The following P2RY4 variants were observed in gnomAD, a reference collection of about 807,000 sequenced individuals.
P2RY4 encodes the protein P2Y purinoceptor 4.
For missense variants in P2RY4, 291 were observed against 308.5 expected, an observed-to-expected ratio of 0.94 and a Z score of 0.42; for synonymous variants, 121 against 131.6, an observed-to-expected ratio of 0.92 and a Z score of 0.55.
At position 70,259,394 on chromosome X, in the gene P2RY4, C is replaced by T. The variant is rs1382043430; in HGVS notation, c.231G>A (p.Leu77=). 9.1e-6 allele frequency: 11 copies of T among 1,210,767 alleles called. No homozygotes were observed. Among genetic ancestry groups the T allele is most frequent in the Non-Finnish European group, 1.1e-5 (10 of 895,235 alleles). Residue 77 remains leucine (L), a synonymous_variant, in exon 1 of 1, where the codon CTG becomes CTA. Coordinates refer to ENST00000374519, the MANE Select transcript of P2RY4 (RefSeq NM_002565.4). ...WDATATYMFH[L]ALSDTLYVLS... is the part of the protein sequence containing the mutation. ...GCACATACAAGGTGTCTGACAATGC[C>T]AGGTGGAACATGTAGGTGGCCGTTG...
Position 70,259,913 on chromosome X carries a change from G to A in P2RY4, c.-289C>T, listed in dbSNP as rs945093931. The A allele has an allele frequency of 2.6e-5, 9 of 351,066 alleles. No homozygotes were observed. The Admixed American group carries it at 4.7e-4, about 18-fold the overall frequency. 28.9% of individuals were successfully genotyped at this position (351,066 alleles called of 1,213,427 possible). On this transcript the variant is annotated 5_prime_UTR_variant, in exon 1 of 1. Coordinates refer to ENST00000374519, the MANE Select transcript of P2RY4 (RefSeq NM_002565.4). ...AGCTCACTCTGTCCCTAAGAGCCTG[G>A]CTGGCTGAAGAGGGTGGAGGCCTCC...
In P2RY4 at chrX:70,259,804, T is replaced by C; in HGVS notation, c.-180A>G. On this transcript the variant is annotated 5_prime_UTR_variant, in exon 1 of 1. Coordinates refer to ENST00000374519, the MANE Select transcript of P2RY4 (RefSeq NM_002565.4). ...AGCCTGGCCCCTACCCAAGCTCCCT[T>C]GGTCCAGCTTGGGAAGTGGTGGGCA... 2.1e-6 allele frequency: 1 copy of C among 467,183 alleles called. No individual in the cohort carries two copies. Among genetic ancestry groups the C allele is most frequent in the South Asian group, 3.7e-5 (1 of 26,933 alleles). 38.5% of individuals were successfully genotyped at this position (467,183 alleles called of 1,213,427 possible).
At position 70,259,076 on chromosome X, in the gene P2RY4, G is replaced by C; in HGVS notation, c.549C>G (p.Val183=). Reference sequence around the variant, plus strand: ...CAGGCCGAGTGGTGTCATGGCACAGGACGGTGGTCCCTTTGTTGCTGGTTG... The same window carrying C: ...CAGGCCGAGTGGTGTCATGGCACAGCACGGTGGTCCCTTTGTTGCTGGTTG... ...FVTTSNKGTT[V]LCHDTTRPEE... is the part of the protein sequence containing the mutation. Residue 183 remains valine, a synonymous_variant, in exon 1 of 1, where the codon GTC becomes GTG. Coordinates refer to ENST00000374519, the MANE Select transcript of P2RY4 (RefSeq NM_002565.4). 1 of 1,211,927 alleles carries C rather than the reference G, an allele frequency of 8.3e-7. No individual in the cohort carries two copies. The highest frequency in any genetic ancestry group is 1.1e-6 in the Non-Finnish European group (1 of 895,456).
rs775969220 is a variant in P2RY4, at chrX:70,258,673, G to A, written c.952C>T (p.Arg318Cys). Residue 318 changes from arginine to cysteine, a missense_variant, in exon 1 of 1, where the codon CGT becomes TGT. Coordinates refer to ENST00000374519, the MANE Select transcript of P2RY4 (RefSeq NM_002565.4). ...GGCTTGCCACCACCACAGAGCTGAC[G>A]GAGCTGACGTCGATATTTGTCCCCA... ...LTGDKYRRQL[R>C]QLCGGGKPQP... 31 of 1,210,668 alleles carry A rather than the reference G, an allele frequency of 2.6e-5. No individual in the cohort carries two copies. In the South Asian group the frequency reaches 3.0e-4, roughly 12 times the overall value.
Position 70,258,980 on chromosome X carries a change from G to A in P2RY4, c.645C>T (p.Val215=). Residue 215 remains valine (V), a synonymous_variant, in exon 1 of 1, where the codon GTC becomes GTT. Coordinates refer to ENST00000374519, the MANE Select transcript of P2RY4 (RefSeq NM_002565.4). ...CCATGAGTCCATAGCAAACAAGAGT[G>A]ACCAGGCAGGGCACGCCAAAGAGCA... is the stretch of plus-strand genomic sequence containing the variant. The part of the protein sequence containing the change: ...MGLLFGVPCL[V]TLVCYGLMAR... The A allele has an allele frequency of 8.3e-7, 1 of 1,211,796 alleles. No homozygotes were observed. The highest frequency in any genetic ancestry group is 1.7e-5 in the African/African-American group (1 of 57,863).
chrX:70,259,086 C>T lies in P2RY4; in HGVS notation c.539G>A (p.Gly180Glu). ...NLFFVTTSNK[G>E]TTVLCHDTTR... ...GGTGTCATGGCACAGGACGGTGGTC[C>T]CTTTGTTGCTGGTTGTGACAAAGAA... Residue 180 changes from glycine (G) to glutamate (E), a missense_variant, in exon 1 of 1, where the codon GGG becomes GAG. Coordinates refer to ENST00000374519, the MANE Select transcript of P2RY4 (RefSeq NM_002565.4). The T allele has an allele frequency of 8.3e-7, 1 of 1,211,398 alleles. No homozygotes were observed. The highest frequency in any genetic ancestry group is 1.1e-6 in the Non-Finnish European group (1 of 895,265).
chrX:70,259,641 G>A lies in P2RY4; in HGVS notation c.-17C>T. 8.6e-7 allele frequency: 1 copy of A among 1,163,815 alleles called. No individual in the cohort carries two copies. Among genetic ancestry groups the A allele is most frequent in the Non-Finnish European group, 1.1e-6 (1 of 870,784 alleles). ...ACTGGCCATGGCCCCCCTGGAGATGGGAAGGGGAGAAGTGAGGGTGGCAGG... is the reference window on the plus strand; with the variant it reads ...ACTGGCCATGGCCCCCCTGGAGATGAGAAGGGGAGAAGTGAGGGTGGCAGG... On this transcript the variant is annotated 5_prime_UTR_variant, in exon 1 of 1. Coordinates refer to ENST00000374519, the MANE Select transcript of P2RY4 (RefSeq NM_002565.4).
Position 70,258,778 on chromosome X carries a change from T to C in P2RY4, c.847A>G (p.Ile283Val), listed in dbSNP as rs779570475. 5.8e-6 allele frequency: 7 copies of C among 1,210,730 alleles called. No homozygotes were observed. The highest frequency in any genetic ancestry group is 3.5e-5 in the African/African-American group (2 of 57,385). Residue 283 changes from isoleucine (I) to valine (V), a missense_variant, in exon 1 of 1, where the codon ATT (isoleucine) becomes GTT (valine). Ile to Val is a conservative substitution (Grantham distance 29). Transcript: ENST00000374519. ...LLEADCRVLN[I>V]VNVVYKVTRP... is the part of the protein sequence containing the mutation. ...GTCACTTTATAGACCACGTTGACAA[T>C]GTTCAGTACTCGGCAGTCAGCTTCC...
chrX:70,259,098 G>A lies in P2RY4; in HGVS notation c.527C>T (p.Thr176Ile). ...CAGGACGGTGGTCCCTTTGTTGCTG[G>A]TTGTGACAAAGAACAGGTTGGGCAC... Reference protein sequence around the residue: ...CLVPNLFFVTTSNKGTTVLCH... With the variant: ...CLVPNLFFVTISNKGTTVLCH... Residue 176 changes from threonine to isoleucine, a missense_variant, in exon 1 of 1, where the codon ACC (threonine) becomes ATC (isoleucine). Transcript: ENST00000374519. 4.1e-6 allele frequency: 5 copies of A among 1,211,563 alleles called. No homozygotes were observed. Among genetic ancestry groups the A allele is most frequent in the Non-Finnish European group, 5.6e-6 (5 of 895,333 alleles).
rs780221062 is a variant in P2RY4 at position 70,259,146 on chromosome X, C to A, written c.479G>T (p.Trp160Leu). The A allele has an allele frequency of 1.1e-5, 13 of 1,211,038 alleles. No homozygotes were observed. The highest frequency in any genetic ancestry group is 2.2e-5 in the Admixed American group (1 of 45,955). The change falls in exon 1 of 1, where the codon TGG becomes TTG. Residue 160 changes from tryptophan to leucine, a missense_variant. Trp to Leu is a moderately conservative substitution (Grantham distance 61, BLOSUM62 -2). Coordinates refer to ENST00000374519, the MANE Select transcript of P2RY4 (RefSeq NM_002565.4). ...RLAGLLCLAV[W>L]LVVAGCLVPN... The stretch of plus-strand genomic sequence containing the variant: ...CACGAGGCAGCCGGCTACGACCAAC[C>A]AAACTGCCAGGCAGAGAAGGCCTGC...
rs2085579814 is a variant in P2RY4 at position 70,258,645 on chromosome X, T to C, written c.980A>G (p.Gln327Arg). ...CAGGGAAGAGGCAGCCGTGCGGGGC[T>C]GGGGCTTGCCACCACCACAGAGCTG... ...LRQLCGGGKP[Q>R]PRTAASSLAL... Residue 327 changes from glutamine to arginine, a missense_variant, in exon 1 of 1, where the codon CAG becomes CGG. Physicochemically the swap from Gln to Arg is conservative, Grantham distance 43. Coordinates refer to ENST00000374519, the MANE Select transcript of P2RY4 (RefSeq NM_002565.4). 8.3e-7 allele frequency: 1 copy of C among 1,212,080 alleles called. No individual in the cohort carries two copies. Among genetic ancestry groups the C allele is most frequent in the African/African-American group, 1.7e-5 (1 of 57,899 alleles).
In P2RY4 at chrX:70,258,365, G is replaced by A. The variant is rs942681647; in HGVS notation, c.*162C>T. 1.1e-4 allele frequency: 55 copies of A among 519,243 alleles called. No homozygotes were observed. The African/African-American group carries it at 1.1e-3, about 11-fold the overall frequency. The allele number at this position is 519,243 out of a possible 1,213,427, so 42.8% of individuals were successfully genotyped here. A position where few individuals can be genotyped will look rare whatever the true frequency, so the allele number is the denominator to read the frequency against. On this transcript the variant is annotated 3_prime_UTR_variant, in exon 1 of 1. Transcript: ENST00000374519. ...GGCAACTGAAGGGGTTATGAGAGAT[G>A]AGGTCACCCATGATATCCCTGCCTC...
chrX:70,258,907 GAGA>G lies in P2RY4; in HGVS notation c.715_717del (p.Ser239del), dbSNP rs1569217116. The stretch of plus-strand genomic sequence containing the variant: ...GCTATGGTGCGGAGAGAGCGGAGGC[GAGA>G]AGACGACTGTGCAGAGCCTGGCAAG... On this transcript the variant is annotated inframe_deletion, in exon 1 of 1. Coordinates refer to ENST00000374519, the MANE Select transcript of P2RY4 (RefSeq NM_002565.4). The G allele has an allele frequency of 8.3e-7, 1 of 1,209,970 alleles. No individual in the cohort carries two copies. Among genetic ancestry groups the G allele is most frequent in the African/African-American group, 1.7e-5 (1 of 57,223 alleles).
chrX:70,259,395 A>G lies in P2RY4; in HGVS notation c.230T>C (p.Leu77Pro). 2.5e-6 allele frequency: 3 copies of G among 1,212,223 alleles called. No homozygotes were observed. Among genetic ancestry groups the G allele is most frequent in the Non-Finnish European group, 3.4e-6 (3 of 895,468 alleles). ...WDATATYMFH[L>P]ALSDTLYVLS... The stretch of plus-strand genomic sequence containing the variant: ...CACATACAAGGTGTCTGACAATGCC[A>G]GGTGGAACATGTAGGTGGCCGTTGC... Residue 77 changes from leucine (L) to proline (P), a missense_variant, in exon 1 of 1, where the codon CTG becomes CCG. Leu to Pro is a moderately conservative substitution (Grantham distance 98, BLOSUM62 -3). Coordinates refer to ENST00000374519, the MANE Select transcript of P2RY4 (RefSeq NM_002565.4).
chrX:70,259,412 G>A lies in P2RY4; in HGVS notation c.213C>T (p.Ala71=), dbSNP rs758865613. The A allele has an allele frequency of 9.1e-6, 11 of 1,210,651 alleles. No homozygotes were observed. The highest frequency in any genetic ancestry group is 1.2e-5 in the Non-Finnish European group (11 of 895,125). ...ACAATGCCAGGTGGAACATGTAGGT[G>A]GCCGTTGCATCCCAGGGTCGGAGGC... ...IFRLRPWDAT[A]TYMFHLALSD... is the part of the protein sequence containing the mutation. Residue 71 remains alanine, a synonymous_variant, in exon 1 of 1, where the codon GCC becomes GCT. Coordinates refer to ENST00000374519, the MANE Select transcript of P2RY4 (RefSeq NM_002565.4).
At position 70,259,762 on chromosome X, in the gene P2RY4, CTGGG is replaced by C; in HGVS notation, c.-142_-139del. On this transcript the variant is annotated 5_prime_UTR_variant, in exon 1 of 1. Transcript: ENST00000374519. ...CTAGGGAGAGCTGACAGAAGCGCATCTGGGTGCACTCAGGCTAGCCTGGCCCCTA... is the reference window on the plus strand; with the variant it reads ...CTAGGGAGAGCTGACAGAAGCGCATCTGCACTCAGGCTAGCCTGGCCCCTA... The C allele has an allele frequency of 1.6e-6, 1 of 610,900 alleles. No homozygotes were observed. The highest frequency in any genetic ancestry group is 4.0e-5 in the Admixed American group (1 of 25,156). 50.3% of individuals were successfully genotyped at this position (610,900 alleles called of 1,213,427 possible).
rs1251943570 is a variant in P2RY4, at chrX:70,258,552, G to C, written c.1073C>G (p.Ser358Cys). The C allele has an allele frequency of 1.7e-6, 2 of 1,199,943 alleles. No individual in the cohort carries two copies. The highest frequency in any genetic ancestry group is 1.1e-6 in the Non-Finnish European group (1 of 889,656). ...TTACAATCTATCTGCCCTAGGAGTAGAGCAGCTACTGTCCTGGGGGGTGGC... is the reference window on the plus strand; with the variant it reads ...TTACAATCTATCTGCCCTAGGAGTACAGCAGCTACTGTCCTGGGGGGTGGC... ...WAATPQDSSC[S>C]TPRADRL Residue 358 changes from serine to cysteine, a missense_variant, in exon 1 of 1, where the codon TCT becomes TGT. Ser to Cys is a moderately radical substitution (Grantham distance 112). Transcript: ENST00000374519.
At position 70,258,565 on chromosome X, in the gene P2RY4, C is replaced by A. The variant is rs200772170; in HGVS notation, c.1060G>T (p.Asp354Tyr). 12 of 1,207,550 alleles carry A rather than the reference C, an allele frequency of 9.9e-6. No individual in the cohort carries two copies. Among genetic ancestry groups the A allele is most frequent in the Non-Finnish European group, 1.3e-5 (12 of 893,134 alleles). The change falls in exon 1 of 1, where the codon GAC becomes TAC. Residue 354 changes from aspartate to tyrosine, a missense_variant. Coordinates refer to ENST00000374519, the MANE Select transcript of P2RY4 (RefSeq NM_002565.4). ...SSCRWAATPQ[D>Y]SSCSTPRADR... The stretch of plus-strand genomic sequence containing the variant: ...GCCCTAGGAGTAGAGCAGCTACTGT[C>A]CTGGGGGGTGGCCGCCCACCTGCAG...
chrX:70,259,242 C>T lies in P2RY4; in HGVS notation c.383G>A (p.Cys128Tyr). 1 of 1,212,233 alleles carries T rather than the reference C, an allele frequency of 8.2e-7. No homozygotes were observed. ...NLYCSVLFLT[C>Y]ISVHRYLGIC... ...GCCCAGGTAGCGGTGCACGCTGATGCAGGTGAGGAAAAGGACACTGCAGTA... is the reference window on the plus strand; with the variant it reads ...GCCCAGGTAGCGGTGCACGCTGATGTAGGTGAGGAAAAGGACACTGCAGTA... The change falls in exon 1 of 1, where the codon TGC (cysteine) becomes TAC (tyrosine). Residue 128 changes from cysteine (C) to tyrosine (Y), a missense_variant. Physicochemically the swap from Cys to Tyr is radical, Grantham distance 194. Transcript: ENST00000374519.
Sources: allele counts gnomAD v4.1 joint callset, GRCh38; gene constraint gnomAD v4.1.1; transcripts MANE v1.5; gene names NCBI Gene and HGNC (gene_info 2026-07-23, HGNC 2026-07-21).